SNTG1: variants seen among roughly 807,000 people sequenced by gnomAD.
SNTG1 encodes the protein gamma-1-syntrophin.
A neutral mutation model predicts 74.7 loss-of-function variants in SNTG1; 39 were observed. The observed-to-expected ratio is 0.52, with a 90% CI of 0.40 to 0.68. The LOEUF (loss-of-function observed/expected upper bound fraction) is 0.68. Ranked by LOEUF, SNTG1 falls within the 30% of genes least tolerant of loss-of-function variation. SNTG1 has a pLI of 0.00. For synonymous variants in SNTG1, 254 were observed against 217.1 expected (o/e 1.17, Z -1.49); for missense variants, 685 against 609.5 (o/e 1.12, Z -1.30).
intron 11 of SNTG1, among the ~76,000 whole-genome samples, chr8:50,539,672 C>T (rs148811867): frequency 2.4e-4 from 36 of 152,210 alleles, no homozygotes; most frequent in Admixed American, 6.5e-4. Flanking sequence ...CTAATTGCTG[C>T]AGGTGAGTAT....
At chr8:49,956,185 A>T (rs318887) in intron 1 of SNTG1, among the ~76,000 whole-genome samples, 12,784 of 152,206 alleles carry the variant, frequency 0.084, 1,740 homozygotes, top group African/African-American at 0.29. Context: ...TATTTTTGCA[A>T]ATATAGTAAT....
intron 15 of SNTG1, among the ~76,000 whole-genome samples, chr8:50,680,151 G>A (rs1470125494): frequency 6.6e-6 from 1 of 152,160 alleles, no homozygotes; most frequent in Non-Finnish European, 1.5e-5. Context: ...TGAATCATCT[G>A]CTTATGTTGT....
intron 15 of SNTG1, among the ~76,000 whole-genome samples, chr8:50,669,215 T>TAA (rs35554969): frequency 5.4e-5 from 8 of 148,060 alleles, no homozygotes; most frequent in African/African-American, 7.5e-5. Context: ...AATAGAGATT[T>TAA]AAAAAAAAAA....
At chr8:50,042,456 G>C (rs1818720262) in intron 1 of SNTG1, among the ~76,000 whole-genome samples, 1 of 152,290 alleles carries the variant, frequency 6.6e-6, no homozygotes, top group African/African-American at 2.4e-5. Flanking sequence ...AGCTACAGTT[G>C]AGACTGAGGT....
chr8:49,931,331 A>G (rs978843066), intron 1 of SNTG1, among the ~76,000 whole-genome samples: 3 of 152,200 alleles, frequency 2.0e-5, no homozygotes, highest in Admixed American at 6.5e-5. Context: ...CCTTGCACAT[A>G]TACACCTAAA....
chr8:50,550,256 T>C (rs2094416626), intron 11 of SNTG1, among the ~76,000 whole-genome samples: 1 of 152,110 alleles, frequency 6.6e-6, no homozygotes, highest in Non-Finnish European at 1.5e-5. Flanking sequence ...AGCCTGCCTG[T>C]TTTTCCATGG....
intron 8 of SNTG1, among the ~76,000 whole-genome samples, chr8:50,466,887 C>A (rs2093612664): frequency 6.6e-6 from 1 of 151,900 alleles, no homozygotes; most frequent in Admixed American, 6.6e-5. Flanking sequence ...TATCCTTCTA[C>A]CTTGCTATAC....
At chr8:50,359,377 C>A (rs1408362393) in intron 2 of SNTG1, among the ~76,000 whole-genome samples, 1 of 152,184 alleles carries the variant, frequency 6.6e-6, no homozygotes, top group African/African-American at 2.4e-5. Context: ...ATTTATCTTG[C>A]TCTATACAGT....
chr8:50,300,989 A>T (rs2089620600), intron 2 of SNTG1, among the ~76,000 whole-genome samples: 1 of 152,134 alleles, frequency 6.6e-6, no homozygotes, highest in South Asian at 2.1e-4. Flanking sequence ...TGCTGCTTAT[A>T]GGATGTTTCC....
chr8:50,401,013 T>G (rs1487182331), intron 3 of SNTG1, among the ~76,000 whole-genome samples: 1 of 152,156 alleles, frequency 6.6e-6, no homozygotes, highest in African/African-American at 2.4e-5. Context: ...ATTATCATGA[T>G]TTGATAATTA....
chr8:50,215,896 C>A (rs1331148279), intron 2 of SNTG1, among the ~76,000 whole-genome samples: 1 of 152,044 alleles, frequency 6.6e-6, no homozygotes, highest in Non-Finnish European at 1.5e-5. Flanking sequence ...AGTTTAATTG[C>A]AAAACTGAAT....
chr8:50,364,946 C>G (rs1160687115), intron 2 of SNTG1, among the ~76,000 whole-genome samples: 1 of 151,796 alleles, frequency 6.6e-6, no homozygotes, highest in African/African-American at 2.4e-5. Context: ...AGGCTTTTTG[C>G]AAAACCATAA....
At chr8:50,046,357 C>A (rs1586036974) in intron 1 of SNTG1, among the ~76,000 whole-genome samples, 2 of 152,126 alleles carry the variant, frequency 1.3e-5, no homozygotes, top group South Asian at 4.1e-4. Flanking sequence ...TCATTCTCAT[C>A]CCCACACTCC....
intron 13 of SNTG1, among the ~76,000 whole-genome samples, chr8:50,635,949 C>T (rs1412785359): frequency 6.6e-6 from 1 of 151,982 alleles, no homozygotes; most frequent in African/African-American, 2.4e-5. Flanking sequence ...GTGAGCTCTG[C>T]CTGGGTATTG....
At chr8:50,096,159 C>T (rs925597043) in intron 1 of SNTG1, among the ~76,000 whole-genome samples, 27 of 152,030 alleles carry the variant, frequency 1.8e-4, no homozygotes, top group African/African-American at 7.2e-5. Flanking sequence ...CTGGCAAATC[C>T]CAAGACTAGG....
At chr8:50,452,922 T>C (rs2093470220) in intron 8 of SNTG1, among the ~76,000 whole-genome samples, 1 of 152,182 alleles carries the variant, frequency 6.6e-6, no homozygotes, top group East Asian at 1.9e-4. Flanking sequence ...GCTGAGAGAA[T>C]GTAGGTGGTT....
At chr8:50,315,635 A>G (rs2090286796) in intron 2 of SNTG1, among the ~76,000 whole-genome samples, 1 of 149,174 alleles carries the variant, frequency 6.7e-6, no homozygotes, top group South Asian at 2.3e-4. Context: ...GTGTAGAACT[A>G]AAATGAAGCA....
At chr8:49,922,791 C>A (rs1217231678) in intron 1 of SNTG1, among the ~76,000 whole-genome samples, 1 of 151,926 alleles carries the variant, frequency 6.6e-6, no homozygotes, top group Non-Finnish European at 1.5e-5. Context: ...ATGTACTGAC[C>A]ATTGCTATTT....
intron 15 of SNTG1, among the ~76,000 whole-genome samples, chr8:50,672,226 T>C (rs966991725): frequency 5.9e-5 from 9 of 151,970 alleles, no homozygotes; most frequent in Admixed American, 2.6e-4. Context: ...GATCAAATGG[T>C]ATTTCTGATG....
Sources: allele counts gnomAD v4.1 joint callset (sites outside exome capture counted in the v4.1 genomes callset), GRCh38; gene constraint gnomAD v4.1.1; transcripts MANE v1.5; gene names NCBI Gene and HGNC (gene_info 2026-07-23, HGNC 2026-07-21).